HYDIN: variants seen among roughly 807,000 people sequenced by gnomAD.
HYDIN encodes the protein axonemal central pair apparatus protein HYDIN.
Under a neutral mutation model 403.9 loss-of-function variants are expected in HYDIN, and 132 were observed. That is an observed-to-expected ratio of 0.33 (90% CI 0.28 to 0.38). HYDIN has a LOEUF of 0.38. HYDIN is among the 10% of genes least tolerant of loss of function. HYDIN has a pLI of 1.00. For missense variants in HYDIN, 2,827 were observed against 5,009.5 expected, an observed-to-expected ratio of 0.56 and a Z score of 13.15; for synonymous variants, 1,202 against 1,891.7, an observed-to-expected ratio of 0.64 and a Z score of 9.46.
At chr16:70,902,822 T>TATATATATATATATATA (rs1491533720) in intron 52 of HYDIN, among the ~76,000 whole-genome samples, 2 of 17,210 alleles carry the variant, frequency 1.2e-4, no homozygotes, top group African/African-American at 6.2e-4. Flanking sequence ...TATATATATA[T>TATATATATATATATATA]TTTTTTTTTT....
intron 1 of HYDIN, among the ~76,000 whole-genome samples, chr16:71,217,163 T>C (rs548127644): frequency 4.6e-4 from 70 of 152,342 alleles, no homozygotes; most frequent in Non-Finnish European, 7.5e-4. Context: ...TATTCTGCTG[T>C]TCTTCTCTCA....
intron 78 of HYDIN, among the ~76,000 whole-genome samples, chr16:70,834,978 A>G (rs376123877): frequency 0.015 from 1,379 of 91,288 alleles, 12 homozygotes; most frequent in African/African-American, 0.059. Context: ...ATATGTGTGT[A>G]TATATATATA....
At chr16:71,024,205 G>A (rs1414158655) in intron 21 of HYDIN, among the ~76,000 whole-genome samples, 2 of 152,180 alleles carry the variant, frequency 1.3e-5, no homozygotes, top group Non-Finnish European at 2.9e-5. Context: ...CCAAAGTTCA[G>A]ATAATGCCTT....
chr16:70,999,870 A>G (rs1289250606), intron 23 of HYDIN, among the ~76,000 whole-genome samples: 1 of 152,214 alleles, frequency 6.6e-6, no homozygotes, highest in Non-Finnish European at 1.5e-5. Context: ...AAATGTGCCC[A>G]GAATCTACCT....
At chr16:71,118,014 G>A (rs1325792016) in intron 9 of HYDIN, among the ~76,000 whole-genome samples, 1 of 152,016 alleles carries the variant, frequency 6.6e-6, no homozygotes, top group Non-Finnish European at 1.5e-5. Flanking sequence ...TCCTTATGCT[G>A]TCACCTCAAA....
chr16:70,821,594 TC>T (rs1567656210), intron 83 of HYDIN, among the ~76,000 whole-genome samples: 1 of 151,346 alleles, frequency 6.6e-6, no homozygotes, highest in Non-Finnish European at 1.5e-5. Context: ...TATGTATTTT[TC>T]CCCCCTGGCT....
chr16:70,885,779 C>A (rs979326384), intron 58 of HYDIN, among the ~76,000 whole-genome samples: 25 of 151,960 alleles, frequency 1.6e-4, no homozygotes, highest in Admixed American at 1.6e-3. Flanking sequence ...GTTATAGAAA[C>A]ATATGTAGAA....
At chr16:71,216,229 T>C (rs1259138537) in intron 1 of HYDIN, among the ~76,000 whole-genome samples, 4 of 152,188 alleles carry the variant, frequency 2.6e-5, no homozygotes, top group Admixed American at 2.6e-4. Flanking sequence ...TTTTTATTGA[T>C]AGCATATAGA....
chr16:71,179,348 A>C (rs1484213887), intron 3 of HYDIN, among the ~76,000 whole-genome samples: 2 of 152,126 alleles, frequency 1.3e-5, no homozygotes, highest in Non-Finnish European at 2.9e-5. Context: ...TGAAAAAAAA[A>C]AAACAAACCT....
intron 1 of HYDIN, among the ~76,000 whole-genome samples, chr16:71,213,056 C>T (rs2088681729): frequency 6.6e-6 from 1 of 152,086 alleles, no homozygotes; most frequent in Non-Finnish European, 1.5e-5. Context: ...AAAGGAAAAA[C>T]TGTCATCTTT....
intron 50 of HYDIN, 145 bp downstream of exon 50, chr16:70,907,227 G>C: frequency 1.7e-6 from 1 of 598,462 alleles, no homozygotes; most frequent in Non-Finnish European, 3.0e-6. Flanking sequence ...TGGGACACAA[G>C]AACCCAGTTC....
intron 27 of HYDIN, 79 bp from the exon 28 acceptor site, chr16:70,985,401 T>G: frequency 9.4e-7 from 1 of 1,066,088 alleles, no homozygotes. Context: ...ACATGCCTCA[T>G]GGATAAGGGT....
chr16:70,981,006 G>C (rs1041849698), intron 29 of HYDIN, among the ~76,000 whole-genome samples: 13 of 151,854 alleles, frequency 8.6e-5, no homozygotes, highest in African/African-American at 3.1e-4. Flanking sequence ...TATACTTTGA[G>C]AATTCTACTC....
At chr16:71,201,693 G>A (rs191922326) in intron 1 of HYDIN, among the ~76,000 whole-genome samples, 2 of 152,232 alleles carry the variant, frequency 1.3e-5, no homozygotes, top group Non-Finnish European at 2.9e-5. Context: ...TAGGAGGGGA[G>A]AGGCTGTCTG....
intron 44 of HYDIN, 63 bp downstream of exon 44, chr16:70,938,551 G>A (rs1450867184): frequency 9.3e-7 from 1 of 1,076,596 alleles, no homozygotes; most frequent in Non-Finnish European, 1.4e-6. Context: ...CCCCGGTCCT[G>A]GTCACTCTGT....
chr16:71,165,648 C>T lies in HYDIN; in HGVS notation c.517-2918G>A, dbSNP rs1282683268. On this transcript the variant is annotated intron_variant, in intron 5 of 85. Coordinates refer to ENST00000393567, the MANE Select transcript of HYDIN (RefSeq NM_001270974.2). Reference sequence around the variant, plus strand: ...AAATACTTCCCAAAGGAAGGAAAGTCGGTAACAGAACATTTGGTAGTGATG... The same window carrying T: ...AAATACTTCCCAAAGGAAGGAAAGTTGGTAACAGAACATTTGGTAGTGATG... Among the ~76,000 whole-genome samples, 7 of 151,986 alleles carry T rather than the reference C, an allele frequency of 4.6e-5. No homozygotes were observed. The East Asian group carries it at 7.7e-4, about 17-fold the overall frequency.
At position 70,907,381 on chromosome 16, in the gene HYDIN, G is replaced by A; in HGVS notation, c.8507C>T (p.Ser2836Leu). 1.7e-6 allele frequency: 1 copy of A among 600,878 alleles called. No homozygotes were observed. The highest frequency in any genetic ancestry group is 2.9e-6 in the Non-Finnish European group (1 of 342,708). 37.2% of individuals were successfully genotyped at this position (600,878 alleles called of 1,614,324 possible). Reference sequence around the variant, plus strand: ...ATAATGGAACACTTACTTATCTCTTGATTTTCCACAAAGTAGTGGCCCAAA... The same window carrying A: ...ATAATGGAACACTTACTTATCTCTTAATTTTCCACAAAGTAGTGGCCCAAA... ...YYFGPLLCGKSRDKYKSSLFP... is the reference protein window; with the variant it reads ...YYFGPLLCGKLRDKYKSSLFP... Residue 2836 changes from serine (S) to leucine (L), a missense_variant, in exon 50 of 86, where the codon TCA becomes TTA. Transcript: ENST00000393567.
intron 83 of HYDIN, among the ~76,000 whole-genome samples, chr16:70,826,812 G>C (rs1388246541): frequency 7.4e-6 from 1 of 135,562 alleles, no homozygotes; most frequent in Admixed American, 7.2e-5. Context: ...TTCCCCAAGT[G>C]ATTCTATCCC....
At chr16:70,937,619 A>C (rs2077532319) in intron 44 of HYDIN, among the ~76,000 whole-genome samples, 1 of 127,794 alleles carries the variant, frequency 7.8e-6, no homozygotes, top group East Asian at 2.2e-4. Context: ...TGTGCCACTC[A>C]AGGCGTGATG....
Sources: gnomAD v4.1 joint callset for allele counts (sites outside exome capture counted in the v4.1 genomes callset) on GRCh38, gnomAD v4.1.1 for gene constraint, MANE v1.5 for transcripts, NCBI Gene and HGNC (gene_info 2026-07-23, HGNC 2026-07-21) for gene names.